Variants in INPP5A observed in about 807,000 individuals in gnomAD.
INPP5A encodes 43 kDa inositol polyphosphate 5-phophatase.
Under a neutral mutation model 65.2 loss-of-function variants are expected in INPP5A, and 14 were observed. That is an observed-to-expected ratio of 0.21 (90% confidence interval 0.14 to 0.34). The LOEUF is 0.34. Ranked by LOEUF, INPP5A falls within the 10% of genes least tolerant of loss-of-function variation. The pLI is 1.00. For synonymous variants in INPP5A, 207 were observed against 208.3 expected (o/e 0.99, Z 0.05); for missense variants, 431 against 545.6 (o/e 0.79, Z 2.09).
chr10:132,666,354 A>G (rs887214620), intron 4 of INPP5A, among the ~76,000 whole-genome samples: 1 of 152,198 alleles, frequency 6.6e-6, no homozygotes, highest in East Asian at 1.9e-4. Context: ...GGAACTGTGA[A>G]GTCATCGTAG....
rs1420487716 is a variant in INPP5A, at chr10:132,765,929, C to T, written c.977+83C>T. 3.0e-5 allele frequency: 24 copies of T among 813,138 alleles called. No homozygotes were observed. The Middle Eastern group carries it at 7.0e-4, about 24-fold the overall frequency. The allele number at this position is 813,138 out of a possible 1,614,324, so 50.4% of individuals were successfully genotyped here. ...CCCAGTCTCTGGTGCATCTGCGTGT[C>T]TGTGTGTGCCAGTTTGTGCTGGGCA... On this transcript the variant is annotated intron_variant, in intron 12 of 15. Transcript: ENST00000368594.
intron 4 of INPP5A, among the ~76,000 whole-genome samples, chr10:132,660,192 G>A (rs1041381406): frequency 3.9e-5 from 6 of 152,220 alleles, no homozygotes; most frequent in Non-Finnish European, 8.8e-5. Context: ...GAGTGACGGG[G>A]AAAGATAGTA....
intron 8 of INPP5A, among the ~76,000 whole-genome samples, chr10:132,717,059 A>G (rs1845752873): frequency 6.6e-6 from 1 of 151,806 alleles, no homozygotes; most frequent in Non-Finnish European, 1.5e-5. Context: ...CCGCAACACA[A>G]CTCTGTGGCG....
intron 4 of INPP5A, among the ~76,000 whole-genome samples, chr10:132,681,741 A>T (rs1323393317): frequency 6.6e-6 from 1 of 152,260 alleles, no homozygotes; most frequent in African/African-American, 2.4e-5. Context: ...ACTTCTGGGT[A>T]CAGACCCCAA....
chr10:132,689,245 CAG>C (rs1343751240), intron 4 of INPP5A, among the ~76,000 whole-genome samples: 4 of 152,198 alleles, frequency 2.6e-5, no homozygotes, highest in Non-Finnish European at 5.9e-5. Context: ...CCCAGTGGCT[CAG>C]AGTCTCTTCC....
chr10:132,774,494 C>T (rs1275120110), intron 12 of INPP5A, among the ~76,000 whole-genome samples: 3 of 152,316 alleles, frequency 2.0e-5, no homozygotes. Context: ...GAACTGTCGC[C>T]GTTCACTTGT....
chr10:132,725,837 T>A (rs1845975884), intron 8 of INPP5A, among the ~76,000 whole-genome samples: 1 of 152,252 alleles, frequency 6.6e-6, no homozygotes, highest in Non-Finnish European at 1.5e-5. Flanking sequence ...CACCTGGCTC[T>A]GGGCTGTGAA....
intron 4 of INPP5A, among the ~76,000 whole-genome samples, chr10:132,673,297 G>A (rs189590085): frequency 9.1e-4 from 138 of 152,336 alleles, no homozygotes; most frequent in African/African-American, 3.3e-3. Flanking sequence ...TAATGTTGCA[G>A]GAACAGGAAG....
intron 4 of INPP5A, among the ~76,000 whole-genome samples, chr10:132,684,935 A>T (rs1435375455): frequency 6.6e-6 from 1 of 152,216 alleles, no homozygotes; most frequent in East Asian, 1.9e-4. Flanking sequence ...GAGGGGAGTC[A>T]TGTTTAGTAA....
intron 2 of INPP5A, among the ~76,000 whole-genome samples, chr10:132,642,679 G>A (rs34653919): frequency 0.011 from 1,647 of 152,262 alleles, 15 homozygotes; most frequent in Non-Finnish European, 0.017. Context: ...TCCATGTCAC[G>A]TACACTTGCT....
chr10:132,558,637 CCTT>C (rs1254287930), intron 1 of INPP5A, among the ~76,000 whole-genome samples: 4 of 152,350 alleles, frequency 2.6e-5, no homozygotes, highest in East Asian at 1.9e-4. Flanking sequence ...AGCCCTTCCT[CCTT>C]CTCCCTGGAG....
chr10:132,682,781 CAT>C (rs767104797), intron 4 of INPP5A, among the ~76,000 whole-genome samples: 17 of 151,804 alleles, frequency 1.1e-4, no homozygotes, highest in Non-Finnish European at 2.9e-5. Context: ...CATATGCACT[CAT>C]GTTTAATCTA....
In INPP5A at chr10:132,659,640, C is replaced by T. The variant is rs1385180924; in HGVS notation, c.306+9135C>T. Among the ~76,000 whole-genome samples, 4 of 152,208 alleles carry T rather than the reference C, an allele frequency of 2.6e-5. No individual in the cohort carries two copies. The highest frequency in any genetic ancestry group is 4.4e-5 in the Non-Finnish European group (3 of 68,038). ...AGCGCCGTGGCTGATGCACACCCAC[C>T]GTCCCCTGCAGAGGAGACCTCTGCA... On this transcript the variant is annotated intron_variant, in intron 4 of 15. Coordinates refer to ENST00000368594, the MANE Select transcript of INPP5A (RefSeq NM_005539.5). The surrounding 1 kb of genome is among the most constrained non-coding windows in gnomAD (Gnocchi z 5.5).
Position 132,651,496 on chromosome 10 carries a change from T to C in INPP5A, c.306+991T>C, listed in dbSNP as rs570691189. 7.2e-4 allele frequency among the ~76,000 whole-genome samples: 110 copies of C among 151,960 alleles called. No individual in the cohort carries two copies. The highest frequency in any genetic ancestry group is 2.5e-3 in the African/African-American group (102 of 41,460). On this transcript the variant is annotated intron_variant, in intron 4 of 15. Coordinates refer to ENST00000368594, the MANE Select transcript of INPP5A (RefSeq NM_005539.5). The surrounding 1 kb of genome is among the most constrained non-coding windows in gnomAD (Gnocchi z 5.0). ...ATCTCCCCCATCTCTGGGGAGGCCC[T>C]GGGTCCCCCGGCCTGGTTCCATCTC...
rs2072950865 is a variant in INPP5A, at chr10:132,675,485, A to G, written c.307-14907A>G. On this transcript the variant is annotated intron_variant, in intron 4 of 15. Coordinates refer to ENST00000368594, the MANE Select transcript of INPP5A (RefSeq NM_005539.5). This position sits in a 1 kb window ranked among gnomAD's most constrained non-coding sequence, Gnocchi z 4.2. The stretch of plus-strand genomic sequence containing the variant: ...AAATGGCCATGGGCATTGGTTGTGT[A>G]AACCGAGGCACCTCCTGCAGTGTAA... Among the ~76,000 whole-genome samples the G allele has an allele frequency of 2.6e-5, 4 of 152,240 alleles. No individual in the cohort carries two copies. Among genetic ancestry groups the G allele is most frequent in the Admixed American group, 2.6e-4 (4 of 15,290 alleles).
chr10:132,740,995 G>A (rs1846261422), intron 9 of INPP5A, among the ~76,000 whole-genome samples: 1 of 152,226 alleles, frequency 6.6e-6, no homozygotes, highest in East Asian at 1.9e-4. Flanking sequence ...GTGGGAGGCT[G>A]AGGCAGGAGG....
In INPP5A at chr10:132,575,207, C is replaced by T. The variant is rs916634130; in HGVS notation, c.76-32708C>T. 6.6e-6 allele frequency among the ~76,000 whole-genome samples: 1 copy of T among 152,232 alleles called. No individual in the cohort carries two copies. On this transcript the variant is annotated intron_variant, in intron 1 of 15. Coordinates refer to ENST00000368594, the MANE Select transcript of INPP5A (RefSeq NM_005539.5). This position sits in a 1 kb window ranked among gnomAD's most constrained non-coding sequence, Gnocchi z 5.4. Reference sequence around the variant, plus strand: ...GCTGGCGTTTGCACCGGCCTGGACACATCGCAACCCTGACCTGTGTGCTGA... The same window carrying T: ...GCTGGCGTTTGCACCGGCCTGGACATATCGCAACCCTGACCTGTGTGCTGA...
Position 132,545,523 on chromosome 10 carries a change from C to T in INPP5A, c.75+7352C>T, listed in dbSNP as rs541320672. Among the ~76,000 whole-genome samples, 64 of 152,300 alleles carry T rather than the reference C, an allele frequency of 4.2e-4. No individual in the cohort carries two copies. The highest frequency in any genetic ancestry group is 1.5e-3 in the African/African-American group (61 of 41,572). ...CCACTCTGTGCCCCACTGCCCCTGCCGGGGTGTTCCCGCTGTCTCCTGGGC... is the reference window on the plus strand; with the variant it reads ...CCACTCTGTGCCCCACTGCCCCTGCTGGGGTGTTCCCGCTGTCTCCTGGGC... On this transcript the variant is annotated intron_variant, in intron 1 of 15. Transcript: ENST00000368594. This position sits in a 1 kb window ranked among gnomAD's most constrained non-coding sequence, Gnocchi z 4.6.
intron 4 of INPP5A, among the ~76,000 whole-genome samples, chr10:132,667,759 G>A (rs2072825815): frequency 6.6e-6 from 1 of 152,198 alleles, no homozygotes; most frequent in Admixed American, 6.5e-5. Flanking sequence ...AAACATTAAA[G>A]GGTCCTCAGG....
Sources: allele counts gnomAD v4.1 joint callset (sites outside exome capture counted in the v4.1 genomes callset), GRCh38; gene constraint gnomAD v4.1.1; non-coding constraint Gnocchi (gnomAD v3.1); transcripts MANE v1.5; gene names NCBI Gene and HGNC (gene_info 2026-07-23, HGNC 2026-07-21).